Variants in SORCS1 observed in about 807,000 individuals in gnomAD.
SORCS1 encodes VPS10 domain-containing receptor SorCS1.
A neutral mutation model predicts 146.1 loss-of-function variants in SORCS1; 60 were observed. That is an observed-to-expected ratio of 0.41 (90% CI 0.33 to 0.51). The LOEUF (loss-of-function observed/expected upper bound fraction) is 0.51. Ranked by LOEUF, SORCS1 falls within the 20% of genes least tolerant of loss-of-function variation. The pLI is 0.21. For missense variants in SORCS1, 1,352 were observed against 1,487.6 expected (o/e 0.91, Z 1.50); for synonymous variants, 637 against 584.0 (o/e 1.09, Z -1.31).
chr10:106,660,296 T>G (rs1850628009), intron 17 of SORCS1, among the ~76,000 whole-genome samples: 1 of 152,220 alleles, frequency 6.6e-6, no homozygotes, highest in African/African-American at 2.4e-5. Flanking sequence ...TATACATATT[T>G]ATAAGGTACA....
rs76145833 is a variant in SORCS1, at chr10:106,577,567, C to T, written c.3372-12G>A. The T allele has an allele frequency of 1.9e-3, 3,108 of 1,610,256 alleles. 40 individuals carry two copies. In the African/African-American group the frequency reaches 0.029, roughly 15 times the overall value. On this transcript the variant is annotated splice_polypyrimidine_tract_variant and intron_variant, in intron 25 of 25. Transcript: ENST00000263054. Reference sequence around the variant, plus strand: ...GTAAAGCTACTCTCCTAAGAGAAAACGTGTAACACTTACTCATTTAATGAC... The same window carrying T: ...GTAAAGCTACTCTCCTAAGAGAAAATGTGTAACACTTACTCATTTAATGAC...
intron 3 of SORCS1, among the ~76,000 whole-genome samples, chr10:106,815,207 T>C (rs978050638): frequency 1.3e-5 from 2 of 152,120 alleles, no homozygotes; most frequent in Admixed American, 6.5e-5. Context: ...TCCACCCACC[T>C]TGGCCTCCCA....
intron 2 of SORCS1, among the ~76,000 whole-genome samples, chr10:106,865,452 G>T (rs189874978): frequency 1.3e-5 from 2 of 152,296 alleles, no homozygotes; most frequent in African/African-American, 2.4e-5. Context: ...GGCCAGGCAT[G>T]GTGGCTCATG....
intron 3 of SORCS1, among the ~76,000 whole-genome samples, chr10:106,813,134 T>A (rs1258535859): frequency 2.9e-5 from 4 of 140,062 alleles, no homozygotes; most frequent in Admixed American, 7.1e-5. Flanking sequence ...TTTTCTTTTT[T>A]TTTTTTTTTT....
chr10:106,953,064 T>C (rs1954771210), intron 2 of SORCS1, among the ~76,000 whole-genome samples: 1 of 151,978 alleles, frequency 6.6e-6, no homozygotes, highest in Admixed American at 6.6e-5. Flanking sequence ...ATACCTGAAG[T>C]AGTCACACCA....
At position 106,980,847 on chromosome 10, in the gene SORCS1, A is replaced by C. The variant is rs549571431; in HGVS notation, c.559-24267T>G. Among the ~76,000 whole-genome samples, 109 of 152,354 alleles carry C rather than the reference A, an allele frequency of 7.2e-4. 2 individuals carry two copies. In the South Asian group the frequency reaches 0.021, roughly 29 times the overall value. ...GTTATAATGTCACATGCTGTCAATA[A>C]TTCAAAGTGGAGAATTATAACTGTT... On this transcript the variant is annotated intron_variant, in intron 1 of 25. Coordinates refer to ENST00000263054, the MANE Select transcript of SORCS1 (RefSeq NM_052918.5).
chr10:107,047,492 T>G lies in SORCS1; in HGVS notation c.559-90912A>C, dbSNP rs534788620. Among the ~76,000 whole-genome samples, 3 of 152,314 alleles carry G rather than the reference T, an allele frequency of 2.0e-5. No individual in the cohort carries two copies. The East Asian group carries it at 5.8e-4, about 29-fold the overall frequency. ...CTACCAGAAATTTTATTATTAGGCATGGTATCTATTTTACGTAAGGAAAAT... is the reference window on the plus strand; with the variant it reads ...CTACCAGAAATTTTATTATTAGGCAGGGTATCTATTTTACGTAAGGAAAAT... On this transcript the variant is annotated intron_variant, in intron 1 of 25. Transcript: ENST00000263054.
chr10:106,594,864 C>A (rs1007417428), intron 24 of SORCS1, among the ~76,000 whole-genome samples: 7 of 152,200 alleles, frequency 4.6e-5, no homozygotes, highest in African/African-American at 1.7e-4. Context: ...CAAGTAGTGG[C>A]TGATGAAGTT....
chr10:106,877,069 G>C (rs1014360060), intron 2 of SORCS1, among the ~76,000 whole-genome samples: 1 of 152,134 alleles, frequency 6.6e-6, no homozygotes, highest in Admixed American at 6.5e-5. Flanking sequence ...AGAATCACTG[G>C]TTATTTTTAT....
At chr10:106,930,554 A>G (rs1953364049) in intron 2 of SORCS1, among the ~76,000 whole-genome samples, 1 of 152,196 alleles carries the variant, frequency 6.6e-6, no homozygotes, top group African/African-American at 2.4e-5. Context: ...TGAGCATCTC[A>G]TTATAAATTA....
At chr10:106,629,146 T>C (rs1278358077) in intron 19 of SORCS1, 56 bp downstream of exon 19, 14 of 1,485,416 alleles carry the variant, frequency 9.4e-6, no homozygotes, top group African/African-American at 2.8e-5. Context: ...TGAATTCAAT[T>C]TGAAAAGGAC....
At chr10:107,035,597 G>A (rs1232210170) in intron 1 of SORCS1, among the ~76,000 whole-genome samples, 12 of 152,164 alleles carry the variant, frequency 7.9e-5, no homozygotes, top group Non-Finnish European at 2.9e-5. Flanking sequence ...ATTTTCTACA[G>A]ATGAGGCATA....
chr10:107,130,644 C>G (rs933956213), intron 1 of SORCS1, among the ~76,000 whole-genome samples: 4 of 152,114 alleles, frequency 2.6e-5, no homozygotes, highest in Non-Finnish European at 5.9e-5. Context: ...AATCTAACAT[C>G]TTTTGTTCCC....
At chr10:106,661,480 A>T (rs1850723293) in intron 17 of SORCS1, among the ~76,000 whole-genome samples, 1 of 152,228 alleles carries the variant, frequency 6.6e-6, no homozygotes, top group African/African-American at 2.4e-5. Flanking sequence ...ACAATTAAAC[A>T]TCAAATACAT....
chr10:107,022,079 C>G (rs1958175463), intron 1 of SORCS1, among the ~76,000 whole-genome samples: 1 of 152,114 alleles, frequency 6.6e-6, no homozygotes, highest in African/African-American at 2.4e-5. Context: ...TTTAACGGCC[C>G]TCTCCCTCAT....
intron 2 of SORCS1, among the ~76,000 whole-genome samples, chr10:106,869,374 C>T (rs1320961627): frequency 1.3e-5 from 2 of 152,144 alleles, no homozygotes; most frequent in African/African-American, 4.8e-5. Flanking sequence ...CAAAACCTCG[C>T]AGACACACAA....
At chr10:106,629,454 G>C (rs576688212) in intron 18 of SORCS1, 66 bp from the exon 19 acceptor site, 2 of 1,544,676 alleles carry the variant, frequency 1.3e-6, no homozygotes, top group South Asian at 2.4e-5. Flanking sequence ...AGGGGACTGG[G>C]GACTACGGCT....
Position 107,104,490 on chromosome 10 carries a change from G to A in SORCS1, c.558+59479C>T, listed in dbSNP as rs556923851. Among the ~76,000 whole-genome samples the A allele has an allele frequency of 2.0e-5, 3 of 152,232 alleles. No individual in the cohort carries two copies. In the East Asian group the frequency reaches 5.8e-4, roughly 29 times the overall value. On this transcript the variant is annotated intron_variant, in intron 1 of 25. Coordinates refer to ENST00000263054, the MANE Select transcript of SORCS1 (RefSeq NM_052918.5). ...GCAGACCAGTCACCTCTCACCTCAG[G>A]ATCTGGAGTGTGGGAACTGCTCTAC...
At chr10:106,978,435 A>G (rs557764145) in intron 1 of SORCS1, among the ~76,000 whole-genome samples, 2 of 152,324 alleles carry the variant, frequency 1.3e-5, no homozygotes, top group African/African-American at 4.8e-5. Context: ...CACATACAGT[A>G]CTAGAAATAC....
Sources: gnomAD v4.1 joint callset for allele counts (sites outside exome capture counted in the v4.1 genomes callset) on GRCh38, gnomAD v4.1.1 for gene constraint, MANE v1.5 for transcripts, NCBI Gene and HGNC (gene_info 2026-07-23, HGNC 2026-07-21) for gene names.